CDIN1: variants seen among roughly 807,000 people sequenced by gnomAD.
CDIN1 encodes CDAN1-interacting nuclease 1.
A neutral mutation model predicts 45.3 loss-of-function variants in CDIN1; 33 were observed. The observed-to-expected ratio is 0.73, with a 90% CI of 0.55 to 0.97. CDIN1 has a LOEUF of 0.97. Among genes scored for constraint, CDIN1 ranks in the 50% least tolerant of loss-of-function variants. CDIN1 has a pLI of 0.00. For missense variants in CDIN1, 303 were observed against 339.4 expected, an observed-to-expected ratio of 0.89 and a Z score of 0.84; for synonymous variants, 118 against 124.4, an observed-to-expected ratio of 0.95 and a Z score of 0.34.
chr15:36,725,423 A>T (rs929189310), intron 10 of CDIN1, among the ~76,000 whole-genome samples: 5 of 152,108 alleles, frequency 3.3e-5, no homozygotes, highest in African/African-American at 4.8e-5. Context: ...ACAAATGTGA[A>T]TGGAGATTGT....
At chr15:36,684,012 G>A (rs1268040204) in intron 5 of CDIN1, among the ~76,000 whole-genome samples, 27 of 148,250 alleles carry the variant, frequency 1.8e-4, no homozygotes, top group African/African-American at 4.5e-4. Context: ...CAATCATGTC[G>A]TCTGCAAACA....
At chr15:36,721,416 G>A (rs2043412351) in intron 10 of CDIN1, among the ~76,000 whole-genome samples, 1 of 151,888 alleles carries the variant, frequency 6.6e-6, no homozygotes, top group South Asian at 2.1e-4. Flanking sequence ...TTCTACTTTT[G>A]ATTTCTTCTT....
At position 36,791,230 on chromosome 15, in the gene CDIN1, C is replaced by G. The variant is rs149919152; in HGVS notation, c.717-17094C>G. On this transcript the variant is annotated intron_variant, in intron 10 of 10. Transcript: ENST00000566621. The stretch of plus-strand genomic sequence containing the variant: ...ACTAGACCTACACAAAATAGCTATG[C>G]AAAGATACTCTGCCTGACTTTTCTC... 3.3e-3 allele frequency among the ~76,000 whole-genome samples: 507 copies of G among 152,274 alleles called. 1 individual carries two copies. The highest frequency in any genetic ancestry group is 0.012 in the African/African-American group (487 of 41,530).
intron 10 of CDIN1, among the ~76,000 whole-genome samples, chr15:36,717,408 A>G (rs564933629): frequency 5.9e-5 from 9 of 152,266 alleles, no homozygotes; most frequent in Non-Finnish European, 1.5e-5. Context: ...ATTTTATGTA[A>G]ATAGAACTAT....
intron 10 of CDIN1, among the ~76,000 whole-genome samples, chr15:36,712,258 T>C (rs1345244159): frequency 7.3e-6 from 1 of 137,276 alleles, no homozygotes; most frequent in South Asian, 2.4e-4. Flanking sequence ...TATAGACTAA[T>C]GCTTTTTTTT....
intron 1 of CDIN1, among the ~76,000 whole-genome samples, chr15:36,636,264 G>A (rs2039894022): frequency 6.6e-6 from 1 of 152,196 alleles, no homozygotes; most frequent in East Asian, 1.9e-4. Flanking sequence ...ATTAAAAGAA[G>A]GTAATGGGCC....
At chr15:36,774,376 G>A (rs901063451) in intron 10 of CDIN1, among the ~76,000 whole-genome samples, 2 of 151,758 alleles carry the variant, frequency 1.3e-5, no homozygotes, top group African/African-American at 4.8e-5. Flanking sequence ...TGGAGGGGAC[G>A]TCTGTACCAT....
chr15:36,601,722 C>T (rs745859719), intron 1 of CDIN1, among the ~76,000 whole-genome samples: 2 of 152,284 alleles, frequency 1.3e-5, no homozygotes, highest in African/African-American at 2.4e-5. Flanking sequence ...TTGCTTTTGG[C>T]CTTCTCTGGG....
At chr15:36,800,909 G>GTATGTATATATA (rs1555410946) in intron 10 of CDIN1, among the ~76,000 whole-genome samples, 3 of 22,390 alleles carry the variant, frequency 1.3e-4, no homozygotes, top group Non-Finnish European at 2.3e-4. Flanking sequence ...GTGTGTGTGT[G>GTATGTATATATA]TATATATATA....
At chr15:36,706,531 T>A (rs1318529080) in intron 8 of CDIN1, 1 of 151,384 alleles carries the variant, frequency 6.6e-6, no homozygotes, top group Non-Finnish European at 1.5e-5. Context: ...AAGAATCACT[T>A]GAACCCAAGA....
intron 1 of CDIN1, among the ~76,000 whole-genome samples, chr15:36,582,234 T>G (rs1259733475): frequency 6.6e-6 from 1 of 152,218 alleles, no homozygotes; most frequent in Non-Finnish European, 1.5e-5. Flanking sequence ...GTAAAAATGG[T>G]GTTCCCTAGA....
chr15:36,685,153 T>C (rs1171072212), intron 5 of CDIN1, among the ~76,000 whole-genome samples: 1 of 149,358 alleles, frequency 6.7e-6, no homozygotes, highest in Non-Finnish European at 1.5e-5. Flanking sequence ...GCTTTTCTAG[T>C]TCTTTTAATT....
At chr15:36,592,632 C>T (rs1348278700) in intron 1 of CDIN1, among the ~76,000 whole-genome samples, 3 of 152,124 alleles carry the variant, frequency 2.0e-5, no homozygotes, top group Non-Finnish European at 4.4e-5. Context: ...GTTTCCCTTA[C>T]TATAGTTAGC....
At chr15:36,691,786 T>A in intron 6 of CDIN1, 22 bp downstream of exon 6, 1 of 1,520,486 alleles carries the variant, frequency 6.6e-7, no homozygotes, top group Non-Finnish European at 9.0e-7. Flanking sequence ...AGCTGTCTAT[T>A]TTCAGTGGCA....
chr15:36,687,703 A>G lies in CDIN1; in HGVS notation c.347-3982A>G, dbSNP rs1426393442. Among the ~76,000 whole-genome samples the G allele has an allele frequency of 3.9e-5, 6 of 152,290 alleles. No homozygotes were observed. The East Asian group carries it at 9.6e-4, about 24-fold the overall frequency. Reference sequence around the variant, plus strand: ...AGTAGTAGATGATTATTTCATGTGTAGTTGAAAAAAAAATAACAAGGATGC... The same window carrying G: ...AGTAGTAGATGATTATTTCATGTGTGGTTGAAAAAAAAATAACAAGGATGC... On this transcript the variant is annotated intron_variant, in intron 5 of 10. Coordinates refer to ENST00000566621, the MANE Select transcript of CDIN1 (RefSeq NM_001321759.2).
intron 3 of CDIN1, among the ~76,000 whole-genome samples, chr15:36,646,119 C>T (rs1360248970): frequency 6.6e-6 from 1 of 152,060 alleles, no homozygotes; most frequent in Non-Finnish European, 1.5e-5. Flanking sequence ...GAAATCTGCT[C>T]TTAAATTATT....
chr15:36,767,364 C>G (rs1009804900), intron 10 of CDIN1, among the ~76,000 whole-genome samples: 1 of 152,190 alleles, frequency 6.6e-6, no homozygotes, highest in African/African-American at 2.4e-5. Flanking sequence ...ACCAGGAGTT[C>G]TAGCCTGTGG....
chr15:36,623,770 G>T (rs1335967785), intron 1 of CDIN1, among the ~76,000 whole-genome samples: 1 of 152,218 alleles, frequency 6.6e-6, no homozygotes, highest in South Asian at 2.1e-4. Context: ...TAACTCAATT[G>T]AGTAGATTAA....
chr15:36,625,501 A>G (rs1257949104), intron 1 of CDIN1, among the ~76,000 whole-genome samples: 1 of 152,216 alleles, frequency 6.6e-6, no homozygotes, highest in East Asian at 1.9e-4. Flanking sequence ...TTCATTCATG[A>G]TATTTTCTGT....
Sources: gnomAD v4.1 joint callset for allele counts (sites outside exome capture counted in the v4.1 genomes callset) on GRCh38, gnomAD v4.1.1 for gene constraint, MANE v1.5 for transcripts, NCBI Gene and HGNC (gene_info 2026-07-23, HGNC 2026-07-21) for gene names.